The following DPP6 variants were observed in gnomAD, a reference collection of about 807,000 sequenced individuals.
DPP6 encodes dipeptidyl peptidase like 6, also known as A-type potassium channel modulatory protein DPP6.
A neutral mutation model predicts 122.6 loss-of-function variants in DPP6; 69 were observed. That is an observed-to-expected ratio of 0.56 (90% CI 0.46 to 0.69). The LOEUF is 0.69. Ranked by LOEUF, DPP6 falls within the 30% of genes least tolerant of loss-of-function variation. The pLI, the probability that DPP6 is intolerant of heterozygous loss-of-function variation, is 0.00. For synonymous variants in DPP6, 418 were observed against 433.1 expected, an observed-to-expected ratio of 0.97 and a Z score of 0.43; for missense variants, 928 against 1,116.9, an observed-to-expected ratio of 0.83 and a Z score of 2.41.
chr7:154,859,612 A>G (rs1235773637), intron 17 of DPP6, among the ~76,000 whole-genome samples: 2 of 152,192 alleles, frequency 1.3e-5, no homozygotes, highest in African/African-American at 2.4e-5. Context: ...AGAAAATCTT[A>G]TCTACAAACA....
At chr7:153,808,556 A>C in the DPP6 span, among the ~76,000 whole-genome samples, 1 of 151,982 alleles carries the variant, frequency 6.6e-6, no homozygotes, top group Non-Finnish European at 1.5e-5. Context: ...CTTCTATCTG[A>C]AAGGTTGTAA....
intron 1 of DPP6, among the ~76,000 whole-genome samples, chr7:154,168,212 A>T (rs568556104): frequency 1.3e-5 from 2 of 152,332 alleles, no homozygotes; most frequent in African/African-American, 4.8e-5. Flanking sequence ...TTAGAAGCCC[A>T]GACAGACGAG....
the DPP6 span, among the ~76,000 whole-genome samples, chr7:153,762,705 G>A: frequency 2.6e-5 from 4 of 152,124 alleles, no homozygotes; most frequent in Admixed American, 6.5e-5. Context: ...GCTTGACCCC[G>A]GGAGGTGGAG....
chr7:154,433,447 G>T (rs1818611836), intron 1 of DPP6, among the ~76,000 whole-genome samples: 1 of 151,946 alleles, frequency 6.6e-6, no homozygotes, highest in African/African-American at 2.4e-5. Flanking sequence ...GTGATTACAG[G>T]CATGAGCCCC....
the DPP6 span, among the ~76,000 whole-genome samples, chr7:153,819,066 C>CCTTTT: frequency 2.6e-4 from 24 of 91,380 alleles, no homozygotes; most frequent in African/African-American, 1.0e-3. Flanking sequence ...TTTTTTTTCC[C>CCTTTT]CTTTTCTTTT....
intron 1 of DPP6, among the ~76,000 whole-genome samples, chr7:154,321,784 CAAAA>C (rs1180440495): frequency 1.6e-5 from 1 of 63,062 alleles, no homozygotes; most frequent in Non-Finnish European, 3.6e-5. Context: ...GACTCTGTCT[CAAAA>C]AAAAAAAAAA....
chr7:153,892,183 T>C (rs971384900), intron 1 of DPP6, among the ~76,000 whole-genome samples: 1 of 152,246 alleles, frequency 6.6e-6, no homozygotes, highest in Non-Finnish European at 1.5e-5. Context: ...TTTGACCGTT[T>C]TGCTGATTCA....
intron 1 of DPP6, among the ~76,000 whole-genome samples, chr7:154,126,232 G>A (rs1390499337): frequency 6.6e-6 from 1 of 152,136 alleles, no homozygotes; most frequent in Non-Finnish European, 1.5e-5. Flanking sequence ...ATAGAACTTA[G>A]CATTTTGGTT....
intron 1 of DPP6, among the ~76,000 whole-genome samples, chr7:154,147,971 T>A (rs2150677495): frequency 6.6e-6 from 1 of 151,442 alleles, no homozygotes; most frequent in East Asian, 1.9e-4. Flanking sequence ...ACCTCACAGT[T>A]ATTCCCTTTA....
chr7:154,748,299 G>A (rs979980322), intron 8 of DPP6, among the ~76,000 whole-genome samples: 3 of 152,192 alleles, frequency 2.0e-5, no homozygotes, highest in African/African-American at 7.2e-5. Flanking sequence ...AACAGCTATA[G>A]AATGTCTTCA....
the DPP6 span, among the ~76,000 whole-genome samples, chr7:153,801,627 T>C: frequency 6.6e-6 from 1 of 152,072 alleles, no homozygotes; most frequent in Admixed American, 6.6e-5. Context: ...AGCTATTAAG[T>C]GGCAACAGAG....
chr7:153,788,214 C>T, the DPP6 span, among the ~76,000 whole-genome samples: 1 of 152,176 alleles, frequency 6.6e-6, no homozygotes, highest in Non-Finnish European at 1.5e-5. Context: ...CATTTTGGGA[C>T]ACATCCAGCC....
intron 1 of DPP6, among the ~76,000 whole-genome samples, chr7:153,920,584 A>ATTTTTTTTTTT (rs1800592644): frequency 5.4e-4 from 1 of 1,842 alleles, no homozygotes; most frequent in Non-Finnish European, 1.9e-3. Flanking sequence ...TTTTTTTGAG[A>ATTTTTTTTTTT]TGGAGTCTCA....
chr7:153,812,483 A>C, the DPP6 span, among the ~76,000 whole-genome samples: 4 of 152,060 alleles, frequency 2.6e-5, no homozygotes, highest in Admixed American at 2.6e-4. Context: ...CATGTGGCTA[A>C]ATTACAAACT....
At chr7:154,728,202 T>C (rs1201143632) in intron 8 of DPP6, among the ~76,000 whole-genome samples, 1 of 152,232 alleles carries the variant, frequency 6.6e-6, no homozygotes, top group African/African-American at 2.4e-5. Context: ...AGATTTATTA[T>C]GTCAGGAGGT....
intron 1 of DPP6, among the ~76,000 whole-genome samples, chr7:154,302,102 C>T (rs1440762096): frequency 1.3e-5 from 2 of 152,136 alleles, no homozygotes; most frequent in Admixed American, 1.3e-4. Flanking sequence ...TCTGTAGGTA[C>T]AAGGTTGTAC....
At chr7:154,399,178 G>T (rs959003706) in intron 1 of DPP6, among the ~76,000 whole-genome samples, 1 of 152,124 alleles carries the variant, frequency 6.6e-6, no homozygotes, top group East Asian at 1.9e-4. Flanking sequence ...ACTATCTCTA[G>T]AGTCACCACC....
chr7:154,169,850 C>T (rs1020642097), intron 1 of DPP6, among the ~76,000 whole-genome samples: 6 of 152,146 alleles, frequency 3.9e-5, no homozygotes, highest in Non-Finnish European at 8.8e-5. Flanking sequence ...CCTGCCTCAG[C>T]CTCCCAAGTA....
At chr7:154,231,595 G>A (rs1800921111) in intron 1 of DPP6, among the ~76,000 whole-genome samples, 1 of 152,104 alleles carries the variant, frequency 6.6e-6, no homozygotes, top group Non-Finnish European at 1.5e-5. Flanking sequence ...GCAAGGAGTG[G>A]GCTTAACATC....
Sources: allele counts gnomAD v4.1 joint callset (sites outside exome capture counted in the v4.1 genomes callset), GRCh38; gene constraint gnomAD v4.1.1; transcripts MANE v1.5; gene names NCBI Gene and HGNC (gene_info 2026-07-23, HGNC 2026-07-21).